CDKL4: variants seen among roughly 807,000 people sequenced by gnomAD.
CDKL4 encodes cyclin dependent kinase like 4.
Under a neutral mutation model 42.0 loss-of-function variants are expected in CDKL4, and 44 were observed. That is an observed-to-expected ratio of 1.05 (90% CI 0.82 to 1.35). CDKL4 has a LOEUF of 1.35. CDKL4 is among the 40% of genes most tolerant of loss of function. The pLI is 0.00. For synonymous variants in CDKL4, 120 were observed against 121.6 expected (o/e 0.99, Z 0.09); for missense variants, 393 against 369.9 (o/e 1.06, Z -0.51).
intron 5 of CDKL4, 56 bp downstream of exon 5, chr2:39,204,471 C>T (rs1677045335): frequency 1.0e-6 from 1 of 982,062 alleles, no homozygotes; most frequent in Non-Finnish European, 1.6e-6. Context: ...AGAATTTAAA[C>T]TATGTCATTT....
intron 1 of CDKL4, among the ~76,000 whole-genome samples, chr2:39,239,706 G>C (rs914268758): frequency 2.0e-5 from 3 of 152,222 alleles, no homozygotes; most frequent in East Asian, 3.8e-4. Flanking sequence ...ATCAAGTGTT[G>C]ATAAGATGGA....
chr2:39,245,281 A>G (rs1433643257), upstream of CDKL4, among the ~76,000 whole-genome samples: 1 of 152,042 alleles, frequency 6.6e-6, no homozygotes, highest in African/African-American at 2.4e-5. Context: ...CACCGGGAGG[A>G]AGGAACAACT....
chr2:39,223,603 T>G (rs1354603145), intron 3 of CDKL4, among the ~76,000 whole-genome samples: 7 of 124,762 alleles, frequency 5.6e-5, no homozygotes, highest in Non-Finnish European at 9.5e-5. Flanking sequence ...TTTTGAAGAC[T>G]TCTGTCTTCA....
At chr2:39,227,874 T>TAAAGAAAACAGG (rs1678852447) in intron 2 of CDKL4, among the ~76,000 whole-genome samples, 2 of 152,246 alleles carry the variant, frequency 1.3e-5, no homozygotes, top group Admixed American at 6.5e-5. Flanking sequence ...AAACAGTAAC[T>TAAAGAAAACAGG]TGCCTAAAGA....
intron 3 of CDKL4, among the ~76,000 whole-genome samples, chr2:39,215,808 T>A (rs74772527): frequency 0.013 from 2,014 of 152,308 alleles, 29 homozygotes; most frequent in African/African-American, 0.046. Flanking sequence ...TGGTGGCATG[T>A]CCTTGACATC....
At position 39,240,913 on chromosome 2, in the gene CDKL4, G is replaced by A. The variant is rs113591115; in HGVS notation, c.-57+2958C>T. 1.1e-3 allele frequency among the ~76,000 whole-genome samples: 170 copies of A among 152,242 alleles called. 2 individuals are homozygous for A. Among genetic ancestry groups the A allele is most frequent in the African/African-American group, 3.9e-3 (161 of 41,522 alleles). On this transcript the variant is annotated intron_variant, in intron 1 of 9. Coordinates refer to ENST00000451199, the Ensembl canonical transcript of CDKL4. ...ATGGCCAAACTGAAGGGCATTCTAC[G>A]AATAACCGGCCTGTACTCTTAATAA...
At chr2:39,242,744 GA>G (rs1473420318) in intron 1 of CDKL4, among the ~76,000 whole-genome samples, 3 of 152,172 alleles carry the variant, frequency 2.0e-5, no homozygotes, top group Non-Finnish European at 4.4e-5. Flanking sequence ...AAAGAAGAGT[GA>G]AAAAACACAT....
chr2:39,245,445 G>A (rs1006083094), upstream of CDKL4, among the ~76,000 whole-genome samples: 15 of 152,214 alleles, frequency 9.9e-5, no homozygotes, highest in East Asian at 3.9e-4. Flanking sequence ...CTTAAGAGCT[G>A]TAACACTCAC....
chr2:39,196,224 G>A (rs1021663787), intron 5 of CDKL4, among the ~76,000 whole-genome samples: 2 of 152,162 alleles, frequency 1.3e-5, no homozygotes, highest in African/African-American at 4.8e-5. Flanking sequence ...TAAAACCAGT[G>A]TGCTTAACAA....
At chr2:39,219,423 A>T (rs1678166236) in intron 3 of CDKL4, among the ~76,000 whole-genome samples, 1 of 151,268 alleles carries the variant, frequency 6.6e-6, no homozygotes, top group African/African-American at 2.4e-5. Flanking sequence ...TTATTTATTT[A>T]TTTATTTATT....
chr2:39,195,283 T>C (rs1276867323), intron 5 of CDKL4, among the ~76,000 whole-genome samples: 1 of 152,226 alleles, frequency 6.6e-6, no homozygotes, highest in Non-Finnish European at 1.5e-5. Flanking sequence ...ACAAATATCT[T>C]CAAGTCCCTG....
chr2:39,189,081 C>T (rs1676015097), intron 6 of CDKL4, among the ~76,000 whole-genome samples: 2 of 152,164 alleles, frequency 1.3e-5, no homozygotes, highest in Non-Finnish European at 2.9e-5. Context: ...CAAAGTGTGG[C>T]CTGCAGTGGT....
At chr2:39,191,343 G>A (rs541967340) in intron 5 of CDKL4, among the ~76,000 whole-genome samples, 24 of 152,228 alleles carry the variant, frequency 1.6e-4, no homozygotes, top group Non-Finnish European at 2.5e-4. Flanking sequence ...GCAGTGAGCC[G>A]TGATCATGCC....
At chr2:39,221,001 G>C (rs3209967) in intron 3 of CDKL4, among the ~76,000 whole-genome samples, 1 of 78,802 alleles carries the variant, frequency 1.3e-5, no homozygotes, top group Non-Finnish European at 2.3e-5. Context: ...TTTTTTTTTT[G>C]TTTTTTTTTT....
rs546940192 is a variant in CDKL4, at chr2:39,238,338, C to T, written c.-57+5533G>A. Among the ~76,000 whole-genome samples, 9 of 152,132 alleles carry T rather than the reference C, an allele frequency of 5.9e-5. No individual in the cohort carries two copies. In the South Asian group the frequency reaches 1.0e-3, roughly 18 times the overall value. On this transcript the variant is annotated intron_variant, in intron 1 of 9. Transcript: ENST00000451199. ...GTCTCAGCTGCTTGGGATGTTGAGG[C>T]GGGAGGATCACCTGAGCCCAGGAGT...
At chr2:39,178,433 A>T in intron 9 of CDKL4, 1 of 793,162 alleles carries the variant, frequency 1.3e-6, no homozygotes, top group Non-Finnish European at 2.0e-6. Context: ...ATGTTCGTCT[A>T]CTTATTTATT....
At position 39,241,572 on chromosome 2, in the gene CDKL4, C is replaced by A. The variant is rs542268719; in HGVS notation, c.-57+2299G>T. On this transcript the variant is annotated intron_variant, in intron 1 of 9. Coordinates refer to ENST00000451199, the Ensembl canonical transcript of CDKL4. ...TTTACAGTTCTGTACGCCGTGGCCC[C>A]AATTTACCTTGCCAGCATCACTTCT... Among the ~76,000 whole-genome samples the A allele has an allele frequency of 2.6e-5, 4 of 152,316 alleles. No individual in the cohort carries two copies. In the South Asian group the frequency reaches 8.3e-4, roughly 32 times the overall value.
chr2:39,213,715 A>G (rs1485127816), intron 3 of CDKL4, among the ~76,000 whole-genome samples: 1 of 152,192 alleles, frequency 6.6e-6, no homozygotes, highest in African/African-American at 2.4e-5. Flanking sequence ...AAGATTCAAA[A>G]AATATAGAAA....
intron 5 of CDKL4, among the ~76,000 whole-genome samples, chr2:39,198,357 A>G (rs1246319739): frequency 2.0e-5 from 3 of 152,174 alleles, no homozygotes; most frequent in Non-Finnish European, 4.4e-5. Context: ...AATTACTATT[A>G]GACCTAAGAA....
Sources: gnomAD v4.1 joint callset for allele counts (sites outside exome capture counted in the v4.1 genomes callset) on GRCh38, gnomAD v4.1.1 for gene constraint, MANE v1.5 for transcripts, NCBI Gene and HGNC (gene_info 2026-07-23, HGNC 2026-07-21) for gene names.